The following KCNH1 variants were observed in gnomAD, a reference collection of about 807,000 sequenced individuals.
KCNH1 encodes voltage-gated delayed rectifier potassium channel KCNH1.
Under a neutral mutation model 69.2 loss-of-function variants are expected in KCNH1, and 27 were observed. The observed-to-expected ratio is 0.39, with a 90% CI of 0.29 to 0.54. The LOEUF (loss-of-function observed/expected upper bound fraction) is 0.54, where lower values mean the gene tolerates loss of function less well. KCNH1 is among the 20% of genes least tolerant of loss of function. The pLI, the probability that KCNH1 is intolerant of heterozygous loss-of-function variation, is 0.68. For missense variants in KCNH1, 798 were observed against 1,261.6 expected (o/e 0.63, Z 5.57); for synonymous variants, 456 against 487.7 (o/e 0.93, Z 0.86).
At chr1:211,036,892 A>T (rs758123892) in intron 5 of KCNH1, among the ~76,000 whole-genome samples, 3 of 152,160 alleles carry the variant, frequency 2.0e-5, no homozygotes, top group Non-Finnish European at 4.4e-5. Context: ...TCCTAGGATA[A>T]TGTCACTAGT....
intron 1 of KCNH1, among the ~76,000 whole-genome samples, chr1:211,124,295 A>C (rs760920211): frequency 6.6e-6 from 1 of 152,204 alleles, no homozygotes; most frequent in Non-Finnish European, 1.5e-5. Context: ...GTGTGTTGAA[A>C]GGAGTACCTA....
chr1:211,017,276 G>A (rs1332067628), intron 6 of KCNH1, among the ~76,000 whole-genome samples: 2 of 152,188 alleles, frequency 1.3e-5, no homozygotes, highest in African/African-American at 4.8e-5. Context: ...CTGATCTGAA[G>A]GCAGAAAGGC....
At chr1:210,736,333 G>T (rs540071213) in intron 10 of KCNH1, among the ~76,000 whole-genome samples, 2,172 of 152,324 alleles carry the variant, frequency 0.014, 17 homozygotes, top group Non-Finnish European at 0.025. Flanking sequence ...TGGGTCACCT[G>T]AGGTCGGGAG....
At chr1:211,088,177 C>A (rs1393577809) in intron 4 of KCNH1, among the ~76,000 whole-genome samples, 1 of 152,164 alleles carries the variant, frequency 6.6e-6, no homozygotes, top group Non-Finnish European at 1.5e-5. Flanking sequence ...TGCCAAAGAG[C>A]AATTATCTGG....
chr1:211,051,008 T>TTGTTGC (rs1400018965), intron 5 of KCNH1, among the ~76,000 whole-genome samples: 1 of 151,774 alleles, frequency 6.6e-6, no homozygotes, highest in East Asian at 1.9e-4. Flanking sequence ...GTTGTTGTTG[T>TTGTTGC]TGTTTTGAGA....
At chr1:211,096,788 A>C (rs1158491592) in intron 3 of KCNH1, among the ~76,000 whole-genome samples, 1 of 152,200 alleles carries the variant, frequency 6.6e-6, no homozygotes, top group African/African-American at 2.4e-5. Context: ...AAACAGAAAA[A>C]TTAAGGTGTA....
At chr1:211,007,141 G>A (rs560600885) in intron 6 of KCNH1, among the ~76,000 whole-genome samples, 2 of 152,278 alleles carry the variant, frequency 1.3e-5, no homozygotes, top group Admixed American at 6.5e-5. Flanking sequence ...CACTAAGTCT[G>A]TCTTCACTTG....
At chr1:211,001,234 G>C (rs1423263401) in intron 6 of KCNH1, among the ~76,000 whole-genome samples, 1 of 152,138 alleles carries the variant, frequency 6.6e-6, no homozygotes, top group Non-Finnish European at 1.5e-5. Flanking sequence ...GCAACCTACA[G>C]AGTGGGAGAA....
At chr1:211,050,270 A>AAAAAAAAAAAAAAAAAAAAAC in intron 5 of KCNH1, among the ~76,000 whole-genome samples, 1 of 88,336 alleles carries the variant, frequency 1.1e-5, no homozygotes, top group Non-Finnish European at 2.7e-5. Context: ...TAAAAAAAAA[A>AAAAAAAAAAAAAAAAAAAAAC]AAAAAAAAAA....
chr1:210,727,249 A>C (rs1682619929), intron 10 of KCNH1, among the ~76,000 whole-genome samples: 1 of 152,230 alleles, frequency 6.6e-6, no homozygotes, highest in African/African-American at 2.4e-5. Flanking sequence ...TTGATCAGCA[A>C]GGCAAAGGCA....
chr1:210,874,600 A>C (rs1218107445), intron 7 of KCNH1, among the ~76,000 whole-genome samples: 1 of 152,206 alleles, frequency 6.6e-6, no homozygotes, highest in African/African-American at 2.4e-5. Flanking sequence ...AGAATTCGAT[A>C]AGTAAAATGT....
intron 7 of KCNH1, among the ~76,000 whole-genome samples, chr1:210,838,349 T>A (rs1685330425): frequency 6.6e-6 from 1 of 152,088 alleles, no homozygotes; most frequent in Non-Finnish European, 1.5e-5. Context: ...CAACTAAAGA[T>A]GGATTAAAAA....
chr1:210,863,268 A>G (rs1686020318), intron 7 of KCNH1, among the ~76,000 whole-genome samples: 1 of 152,162 alleles, frequency 6.6e-6, no homozygotes, highest in South Asian at 2.1e-4. Context: ...GTGGAGGAGG[A>G]TAGAATCTAA....
chr1:210,737,486 C>G (rs957471046), intron 10 of KCNH1, among the ~76,000 whole-genome samples: 5 of 152,188 alleles, frequency 3.3e-5, no homozygotes, highest in African/African-American at 7.2e-5. Context: ...TGACCTCTTC[C>G]CTTGTCTATC....
intron 7 of KCNH1, among the ~76,000 whole-genome samples, chr1:210,893,210 CT>C (rs1686786261): frequency 6.6e-6 from 1 of 152,080 alleles, no homozygotes; most frequent in South Asian, 2.1e-4. Context: ...TAATGACAAA[CT>C]TTTTTCAGAT....
chr1:211,002,336 G>A (rs1231128036), intron 6 of KCNH1, among the ~76,000 whole-genome samples: 2 of 141,476 alleles, frequency 1.4e-5, no homozygotes, highest in Admixed American at 7.1e-5. Flanking sequence ...ATGTGTGTGT[G>A]TGTATATATA....
intron 6 of KCNH1, among the ~76,000 whole-genome samples, chr1:211,002,418 A>C (rs1265968129): frequency 3.3e-5 from 5 of 151,168 alleles, no homozygotes; most frequent in African/African-American, 1.2e-4. Context: ...TTTCATGTAG[A>C]ATGTCCAGTA....
At chr1:211,126,510 CA>C (rs397963989) in intron 1 of KCNH1, among the ~76,000 whole-genome samples, 252 of 118,476 alleles carry the variant, frequency 2.1e-3, no homozygotes, top group Middle Eastern at 9.2e-3. Context: ...ACTCTGTCTC[CA>C]AAAAAAAAAA....
At chr1:210,809,193 T>A (rs1003660470) in intron 7 of KCNH1, among the ~76,000 whole-genome samples, 1 of 150,906 alleles carries the variant, frequency 6.6e-6, no homozygotes, top group South Asian at 2.1e-4. Flanking sequence ...GGAGGGAGGG[T>A]GTAGCAAAAA....
Sources: allele counts gnomAD v4.1 joint callset (sites outside exome capture counted in the v4.1 genomes callset), GRCh38; gene constraint gnomAD v4.1.1; transcripts MANE v1.5; gene names NCBI Gene and HGNC (gene_info 2026-07-23, HGNC 2026-07-21).